Variants in GCNA observed in about 807,000 individuals in gnomAD.
GCNA encodes the protein germ cell nuclear acidic peptidase, also known as germ cell nuclear acidic protein.
GCNA carries 3 observed loss-of-function variants against 38.8 expected under a neutral mutation model. The ratio of observed to expected loss-of-function variants is 0.08; its 90% CI spans 0.04 to 0.20. GCNA has a LOEUF of 0.20. Among genes scored for constraint, GCNA ranks in the 10% least tolerant of loss-of-function variants. The pLI, the probability that GCNA is intolerant of heterozygous loss-of-function variation, is 1.00. For synonymous variants in GCNA, 195 were observed against 240.2 expected (o/e 0.81, Z 1.74); for missense variants, 446 against 578.6 (o/e 0.77, Z 2.35).
intron 9 of GCNA, among the ~76,000 whole-genome samples, chrX:71,608,079 G>T (rs1848472370): frequency 9.0e-6 from 1 of 110,899 alleles, no homozygotes; most frequent in Non-Finnish European, 1.9e-5. Flanking sequence ...GGAGGGGTGT[G>T]TGTGATTGGA....
chrX:71,578,942 T>G (rs1377414249), intron 1 of GCNA, among the ~76,000 whole-genome samples: 19 of 20,275 alleles, frequency 9.4e-4, no homozygotes, highest in African/African-American at 1.2e-3. Flanking sequence ...GTGGCGGCGT[T>G]GGGGGAAGTG....
At position 71,598,051 on chromosome X, in the gene GCNA, T is replaced by A. The variant is rs750624968; in HGVS notation, c.310+13T>A. ...ATAAACAGCGACGGCAAGTATATAT[T>A]ACTTTGTTAGATAAGTAGCTGAGCT... On this transcript the variant is annotated intron_variant, in intron 7 of 12. Coordinates refer to ENST00000373696, the MANE Select transcript of GCNA (RefSeq NM_052957.5). 1 of 1,160,873 alleles carries A rather than the reference T, an allele frequency of 8.6e-7. No homozygotes were observed. Among genetic ancestry groups the A allele is most frequent in the South Asian group, 1.8e-5 (1 of 55,079 alleles).
At chrX:71,611,056 C>T (rs757339458) in intron 11 of GCNA, among the ~76,000 whole-genome samples, 1 of 112,464 alleles carries the variant, frequency 8.9e-6, no homozygotes, top group Non-Finnish European at 1.9e-5. Context: ...CCTTTGCCAG[C>T]AGTAGCATCT....
intron 6 of GCNA, among the ~76,000 whole-genome samples, chrX:71,597,618 A>G (rs2147721661): frequency 8.9e-6 from 1 of 112,064 alleles, no homozygotes; most frequent in African/African-American, 3.2e-5. Flanking sequence ...ATAAAGAAAG[A>G]TGACAACTCC....
At chrX:71,598,129 AT>A (rs2147722174) in intron 7 of GCNA, 91 bp downstream of exon 7, 1 of 649,246 alleles carries the variant, frequency 1.5e-6, no homozygotes, top group African/African-American at 2.2e-5. Context: ...CAGACTTTCT[AT>A]TCAGAATCCC....
At chrX:71,600,898 G>A (rs997253553) in intron 7 of GCNA, among the ~76,000 whole-genome samples, 4 of 111,636 alleles carry the variant, frequency 3.6e-5, no homozygotes, top group East Asian at 2.8e-4. Context: ...ATCCTGTTGC[G>A]CTATTAAATA....
intron 1 of GCNA, among the ~76,000 whole-genome samples, chrX:71,580,046 T>G (rs2040534163): frequency 1.0e-5 from 1 of 96,396 alleles, no homozygotes; most frequent in East Asian, 3.3e-4. Flanking sequence ...GAGGGGGCGG[T>G]GGTAGCCTAT....
chrX:71,588,778 G>T (rs2040602296), intron 2 of GCNA, among the ~76,000 whole-genome samples: 1 of 111,469 alleles, frequency 9.0e-6, no homozygotes, highest in African/African-American at 3.3e-5. Flanking sequence ...AGTGAACCAA[G>T]ATCGCGCCAC....
At chrX:71,600,729 T>C (rs1383266609) in intron 7 of GCNA, among the ~76,000 whole-genome samples, 1 of 112,163 alleles carries the variant, frequency 8.9e-6, no homozygotes, top group Admixed American at 9.5e-5. Context: ...ATTTATGGGG[T>C]ACATGAGATG....
At position 71,579,031 on chromosome X, in the gene GCNA, G is replaced by A. The variant is rs770254358; in HGVS notation, c.-3+509G>A. Among the ~76,000 whole-genome samples, 138 of 107,257 alleles carry A rather than the reference G, an allele frequency of 1.3e-3. 1 individual carries two copies. Among genetic ancestry groups the A allele is most frequent in the African/African-American group, 4.5e-3 (133 of 29,236 alleles). The allele number at this position is 107,257 out of a possible 115,157, so 93.1% of individuals were successfully genotyped here. On this transcript the variant is annotated intron_variant, in intron 1 of 12. Coordinates refer to ENST00000373696, the MANE Select transcript of GCNA (RefSeq NM_052957.5). ...CATGTGGTAGCACCAGTGACGGTGTGGGGAGAAGTAGGGGCACCATTGGCG... is the reference window on the plus strand; with the variant it reads ...CATGTGGTAGCACCAGTGACGGTGTAGGGAGAAGTAGGGGCACCATTGGCG...
intron 8 of GCNA, 134 bp downstream of exon 8, chrX:71,604,810 G>C: frequency 2.2e-6 from 2 of 905,610 alleles, no homozygotes; most frequent in Non-Finnish European, 3.0e-6. Flanking sequence ...GCCCAAGGAG[G>C]CATCCATCCC....
At chrX:71,603,478 C>T in intron 7 of GCNA, 110 bp from the exon 8 acceptor site, 1 of 1,067,623 alleles carries the variant, frequency 9.4e-7, no homozygotes, top group Non-Finnish European at 1.3e-6. Context: ...TTCAAAATGT[C>T]ACAGTTCCTG....
At chrX:71,605,384 C>T (rs1385325210) in intron 8 of GCNA, among the ~76,000 whole-genome samples, 1 of 112,651 alleles carries the variant, frequency 8.9e-6, no homozygotes, top group Non-Finnish European at 1.9e-5. Flanking sequence ...CAGTTGCCCA[C>T]ACCACCTAGC....
intron 2 of GCNA, among the ~76,000 whole-genome samples, chrX:71,588,030 A>G (rs1210069835): frequency 1.8e-5 from 2 of 111,439 alleles, no homozygotes. Flanking sequence ...CCTGGGTTCA[A>G]GGGATCCACC....
At chrX:71,588,527 G>T (rs983376974) in intron 2 of GCNA, among the ~76,000 whole-genome samples, 1 of 112,087 alleles carries the variant, frequency 8.9e-6, no homozygotes, top group African/African-American at 3.2e-5. Context: ...GTCTTTTAAA[G>T]TTTTAAAGGA....
intron 7 of GCNA, among the ~76,000 whole-genome samples, chrX:71,601,993 G>A (rs1471738001): frequency 8.9e-6 from 1 of 111,835 alleles, no homozygotes; most frequent in Non-Finnish European, 1.9e-5. Flanking sequence ...TTGCTGAATT[G>A]TATGGTAGGT....
intron 1 of GCNA, among the ~76,000 whole-genome samples, chrX:71,579,137 G>C (rs557481754): frequency 3.8e-5 from 4 of 105,577 alleles, no homozygotes. Flanking sequence ...ACGTGGCGCC[G>C]GTGGCGGCGC....
At chrX:71,587,906 C>T (rs2040595252) in intron 2 of GCNA, among the ~76,000 whole-genome samples, 1 of 111,405 alleles carries the variant, frequency 9.0e-6, no homozygotes, top group Non-Finnish European at 1.9e-5. Context: ...TCTTGTTCCT[C>T]AGCCTCCCCA....
At chrX:71,605,229 T>G (rs974397735) in intron 8 of GCNA, among the ~76,000 whole-genome samples, 1 of 100,357 alleles carries the variant, frequency 1.0e-5, no homozygotes, top group Non-Finnish European at 2.0e-5. Flanking sequence ...TGACACTGAC[T>G]ATTGATACAT....
Sources: gnomAD v4.1 joint callset for allele counts (sites outside exome capture counted in the v4.1 genomes callset) on GRCh38, gnomAD v4.1.1 for gene constraint, MANE v1.5 for transcripts, NCBI Gene and HGNC (gene_info 2026-07-23, HGNC 2026-07-21) for gene names.